EMC2: variants seen among roughly 807,000 people sequenced by gnomAD.
EMC2 encodes the protein TPR repeat protein 35.
In EMC2, 37 loss-of-function variants were observed where a neutral mutation model predicts 51.6. The observed-to-expected ratio is 0.72, with a 90% CI of 0.55 to 0.94. The LOEUF is 0.94. Ranked by LOEUF, EMC2 falls within the 40% of genes least tolerant of loss-of-function variation. The probability of loss-of-function intolerance (pLI) is 0.00; values close to 1 mark genes in which losing one functional copy is unlikely to be tolerated. For synonymous variants in EMC2, 131 were observed against 112.4 expected, an observed-to-expected ratio of 1.17 and a Z score of -1.04; for missense variants, 359 against 350.9, an observed-to-expected ratio of 1.02 and a Z score of -0.18.
chr8:108,453,272 T>C, intron 4 of EMC2, 125 bp downstream of exon 4: 3 of 462,418 alleles, frequency 6.5e-6, no homozygotes, highest in Non-Finnish European at 1.2e-5. Context: ...TTAATTTACA[T>C]TTTTTGATGA....
intron 4 of EMC2, among the ~76,000 whole-genome samples, 170 bp from the exon 5 acceptor site, chr8:108,455,703 C>T (rs1032868939): frequency 6.6e-6 from 1 of 152,038 alleles, no homozygotes; most frequent in Non-Finnish European, 1.5e-5. Flanking sequence ...TAAACGTTTA[C>T]TGTTATATGA....
chr8:108,453,190 C>A, intron 4 of EMC2, 43 bp downstream of exon 4: 4 of 1,150,842 alleles, frequency 3.5e-6, no homozygotes, highest in East Asian at 2.5e-5. Flanking sequence ...GCCTGTTAAT[C>A]ATGGTGGTGT....
chr8:108,447,943 T>C (rs1234824734), intron 1 of EMC2, among the ~76,000 whole-genome samples: 1 of 151,994 alleles, frequency 6.6e-6, no homozygotes, highest in Non-Finnish European at 1.5e-5. Context: ...AAAATAAAAG[T>C]AACTAGAATT....
At chr8:108,452,852 T>A (rs1199493486) in intron 3 of EMC2, among the ~76,000 whole-genome samples, 1 of 152,196 alleles carries the variant, frequency 6.6e-6, no homozygotes, top group Non-Finnish European at 1.5e-5. Context: ...GTTAAGAGCA[T>A]GATCAGTTTC....
At chr8:108,485,609 CACTT>C (rs1811125144) in intron 10 of EMC2, among the ~76,000 whole-genome samples, 1 of 146,308 alleles carries the variant, frequency 6.8e-6, no homozygotes, top group African/African-American at 2.5e-5. Flanking sequence ...CATCAAGGAA[CACTT>C]ACTTATCTAG....
At chr8:108,479,573 T>G (rs1811009757) in intron 10 of EMC2, among the ~76,000 whole-genome samples, 1 of 152,154 alleles carries the variant, frequency 6.6e-6, no homozygotes, top group Admixed American at 6.6e-5. Flanking sequence ...CATTTGTATC[T>G]TAGTTTTCTA....
chr8:108,484,863 T>C (rs971060347), intron 10 of EMC2, among the ~76,000 whole-genome samples: 2 of 151,994 alleles, frequency 1.3e-5, no homozygotes, highest in African/African-American at 4.8e-5. Flanking sequence ...CAGGGGAAAT[T>C]ATAAAAAGAC....
chr8:108,446,052 A>G (rs1035649060), intron 1 of EMC2: 2 of 153,532 alleles, frequency 1.3e-5, no homozygotes, highest in African/African-American at 4.8e-5. Flanking sequence ...TTTTATTTGT[A>G]TAATTTCACT....
At chr8:108,478,702 G>T (rs6469189) in intron 9 of EMC2, among the ~76,000 whole-genome samples, 103,813 of 151,684 alleles carry the variant, frequency 0.68, 36,087 homozygotes, top group African/African-American at 0.81. Flanking sequence ...TGTTCTTCTA[G>T]AGCTTCTTTA....
Position 108,451,262 on chromosome 8 carries a change from T to G in EMC2, c.219+770T>G, listed in dbSNP as rs1015965457. Among the ~76,000 whole-genome samples, 19 of 152,058 alleles carry G rather than the reference T, an allele frequency of 1.2e-4. No individual in the cohort carries two copies. The South Asian group carries it at 3.5e-3, about 28-fold the overall frequency. ...TACTGCTTTTAAAATAACACTGTAATGGTAGCTATGTTTTTGGACTCATGC... is the reference window on the plus strand; with the variant it reads ...TACTGCTTTTAAAATAACACTGTAAGGGTAGCTATGTTTTTGGACTCATGC... On this transcript the variant is annotated intron_variant, in intron 3 of 10. Transcript: ENST00000220853.
At chr8:108,452,315 C>G (rs1358909659) in intron 3 of EMC2, among the ~76,000 whole-genome samples, 5 of 152,148 alleles carry the variant, frequency 3.3e-5, no homozygotes, top group Non-Finnish European at 7.3e-5. Context: ...GCCTGTAATC[C>G]CAGCAGTTTG....
At chr8:108,469,222 G>A (rs1360146690) in intron 5 of EMC2, among the ~76,000 whole-genome samples, 2 of 152,066 alleles carry the variant, frequency 1.3e-5, no homozygotes, top group Non-Finnish European at 2.9e-5. Context: ...TAGAAGTCTG[G>A]TACATATTTG....
At chr8:108,478,933 T>C (rs957432060) in intron 9 of EMC2, 73 bp from the exon 10 acceptor site, 1 of 645,894 alleles carries the variant, frequency 1.5e-6, no homozygotes, top group African/African-American at 1.9e-5. Flanking sequence ...ATTGCAACCA[T>C]GTCCCTTATG....
chr8:108,456,613 T>C (rs906682269), intron 5 of EMC2, among the ~76,000 whole-genome samples: 5 of 152,166 alleles, frequency 3.3e-5, no homozygotes, highest in Non-Finnish European at 5.9e-5. Flanking sequence ...CCCTTTAATT[T>C]AGTGTAATTT....
At chr8:108,482,852 G>C (rs1051077131) in intron 10 of EMC2, among the ~76,000 whole-genome samples, 1 of 152,104 alleles carries the variant, frequency 6.6e-6, no homozygotes, top group Non-Finnish European at 1.5e-5. Flanking sequence ...CCAATGGAGT[G>C]CTAGGATTAT....
chr8:108,454,170 C>G (rs182681023), intron 4 of EMC2, among the ~76,000 whole-genome samples: 51 of 152,180 alleles, frequency 3.4e-4, no homozygotes, highest in Middle Eastern at 3.4e-3. Context: ...TTGATAGTCT[C>G]TGTCTTTTCA....
chr8:108,454,216 A>G (rs1367734198), intron 4 of EMC2, among the ~76,000 whole-genome samples: 7 of 152,104 alleles, frequency 4.6e-5, no homozygotes, highest in Non-Finnish European at 1.0e-4. Flanking sequence ...TAAAGTGATG[A>G]TTAATAAAGT....
intron 10 of EMC2, among the ~76,000 whole-genome samples, chr8:108,480,811 T>TTTGCTAGATATTTTAGAA (rs1158459195): frequency 1.3e-5 from 2 of 152,124 alleles, no homozygotes; most frequent in Admixed American, 6.6e-5. Flanking sequence ...GAAGAGGATG[T>TTTGCTAGATATTTTAGAA]TTGCTAGATA....
At chr8:108,452,919 T>C (rs980600728) in intron 3 of EMC2, 143 bp from the exon 4 acceptor site, 1 of 464,218 alleles carries the variant, frequency 2.2e-6, no homozygotes, top group Non-Finnish European at 3.9e-6. Context: ...AATCCATTAT[T>C]TGTTACTGAT....
Sources: gnomAD v4.1 joint callset for allele counts (sites outside exome capture counted in the v4.1 genomes callset) on GRCh38, gnomAD v4.1.1 for gene constraint, MANE v1.5 for transcripts, NCBI Gene and HGNC (gene_info 2026-07-23, HGNC 2026-07-21) for gene names.